The following TMEM232 variants were observed in gnomAD, a reference collection of about 807,000 sequenced individuals.
The protein encoded by TMEM232 is transmembrane protein 232.
Under a neutral mutation model 78.8 loss-of-function variants are expected in TMEM232, and 80 were observed. The ratio of observed to expected loss-of-function variants is 1.01; its 90% CI spans 0.85 to 1.22. The LOEUF is 1.22. Ranked by LOEUF, TMEM232 falls within the 50% of genes most tolerant of loss-of-function variation. The pLI is 0.00. For missense variants in TMEM232, 881 were observed against 742.2 expected, an observed-to-expected ratio of 1.19 and a Z score of -2.17; for synonymous variants, 297 against 254.3, an observed-to-expected ratio of 1.17 and a Z score of -1.60.
At position 110,625,298 on chromosome 5, in the gene TMEM232, T is replaced by G. The variant is rs772379529; in HGVS notation, c.737A>C (p.Lys246Thr). 1.2e-5 allele frequency: 19 copies of G among 1,542,932 alleles called. No homozygotes were observed. The highest frequency in any genetic ancestry group is 3.4e-4 in the Middle Eastern group (2 of 5,964). ...SESIFRPVEDKKRYENTDSDM... is the reference protein window; with the variant it reads ...SESIFRPVEDTKRYENTDSDM... ...AGAATCTGTGTTCTCATATCTTTTC[T>G]TATCTTCCACAGGTCTAAAAATGGA... The change falls in exon 7 of 14, where the codon AAG (lysine) becomes ACG (threonine). Residue 246 changes from lysine (K) to threonine (T), a missense_variant. Lys to Thr is a moderately conservative substitution (Grantham distance 78). Coordinates refer to ENST00000455884, the MANE Select transcript of TMEM232 (RefSeq NM_001039763.4).
chr5:110,541,742 A>G (rs1004782339), intron 11 of TMEM232, among the ~76,000 whole-genome samples: 28 of 152,146 alleles, frequency 1.8e-4, no homozygotes, highest in African/African-American at 6.8e-4. Context: ...GCAAAAATTA[A>G]TATAAGCCTA....
chr5:110,464,719 A>AAAAG (rs1458103955), intron 12 of TMEM232, among the ~76,000 whole-genome samples: 7 of 152,238 alleles, frequency 4.6e-5, no homozygotes, highest in Non-Finnish European at 1.0e-4. Context: ...CATTTTGAAC[A>AAAAG]AAAGAGATAA....
intron 1 of TMEM232, among the ~76,000 whole-genome samples, chr5:110,698,099 A>T (rs1580712076): frequency 6.6e-6 from 1 of 152,234 alleles, no homozygotes; most frequent in African/African-American, 2.4e-5. Flanking sequence ...ATGGAATACT[A>T]TCCAGCCATA....
upstream of TMEM232, chr5:110,738,876 C>A: frequency 4.3e-6 from 4 of 940,196 alleles, no homozygotes; most frequent in Non-Finnish European, 6.1e-6. Flanking sequence ...TATTCCCTAA[C>A]GACAACAAAC....
chr5:110,712,513 C>G (rs1308803327), intron 1 of TMEM232, among the ~76,000 whole-genome samples: 1 of 152,096 alleles, frequency 6.6e-6, no homozygotes, highest in Non-Finnish European at 1.5e-5. Context: ...CATCATTGAT[C>G]ATCAGAGAAA....
intron 7 of TMEM232, among the ~76,000 whole-genome samples, chr5:110,619,575 C>T (rs1474879884): frequency 6.6e-6 from 1 of 152,160 alleles, no homozygotes; most frequent in South Asian, 2.1e-4. Flanking sequence ...TCAGTGTTGA[C>T]AGTGTTAGAA....
Position 110,528,630 on chromosome 5 carries a change from T to C in TMEM232, c.1661A>G (p.Lys554Arg). 6.5e-7 allele frequency: 1 copy of C among 1,533,548 alleles called. No individual in the cohort carries two copies. Among genetic ancestry groups the C allele is most frequent in the South Asian group, 1.2e-5 (1 of 83,552 alleles). The allele number at this position is 1,533,548 out of a possible 1,614,324, so 95.0% of individuals were successfully genotyped here. The change falls in exon 12 of 14, where the codon AAG becomes AGG. Residue 554 changes from lysine (K) to arginine (R), a missense_variant. Physicochemically the swap from Lys to Arg is conservative, Grantham distance 26. Coordinates refer to ENST00000455884, the MANE Select transcript of TMEM232 (RefSeq NM_001039763.4). ...KKDQTKYPNK[K>R]LESVKKQVLH... Reference sequence around the variant, plus strand: ...AACTTGCTTTTTCACAGACTCCAGCTTTTTATTTGGATATTTTGTTTGATC... The same window carrying C: ...AACTTGCTTTTTCACAGACTCCAGCCTTTTATTTGGATATTTTGTTTGATC...
chr5:110,474,428 GAA>G (rs997574506), intron 12 of TMEM232, among the ~76,000 whole-genome samples: 2 of 151,180 alleles, frequency 1.3e-5, no homozygotes, highest in African/African-American at 4.9e-5. Context: ...ATATTCTTGG[GAA>G]AAAAAACCTA....
Position 110,667,371 on chromosome 5 carries a change from G to C in TMEM232, c.-12-7C>G, listed in dbSNP as rs1790728917. Reference sequence around the variant, plus strand: ...TATTCATAAATCATAAATTCTAAAAGGAATATTAAATGTATGTTAGCATAC... The same window carrying C: ...TATTCATAAATCATAAATTCTAAAACGAATATTAAATGTATGTTAGCATAC... On this transcript the variant is annotated splice_polypyrimidine_tract_variant and splice_region_variant and intron_variant, in intron 1 of 13. Transcript: ENST00000455884. The C allele has an allele frequency of 6.8e-7, 1 of 1,479,176 alleles. No individual in the cohort carries two copies. Among genetic ancestry groups the C allele is most frequent in the African/African-American group, 1.4e-5 (1 of 69,390 alleles). The allele number at this position is 1,479,176 out of a possible 1,614,324, so 91.6% of individuals were successfully genotyped here.
intron 1 of TMEM232, among the ~76,000 whole-genome samples, chr5:110,713,551 A>T (rs1460565077): frequency 6.6e-6 from 1 of 152,152 alleles, no homozygotes; most frequent in Non-Finnish European, 1.5e-5. Flanking sequence ...CATAAGAAAA[A>T]AAAATAAGAC....
intron 2 of TMEM232, among the ~76,000 whole-genome samples, chr5:110,402,600 C>T (rs1286623994): frequency 3.3e-5 from 5 of 152,052 alleles, no homozygotes; most frequent in African/African-American, 1.2e-4. Flanking sequence ...CTTGGGAGAA[C>T]CAGTCTCAGC....
At chr5:110,475,440 CTTTGATTTTT>C (rs1763140254) in intron 12 of TMEM232, among the ~76,000 whole-genome samples, 1 of 102,504 alleles carries the variant, frequency 9.8e-6, no homozygotes, top group Non-Finnish European at 1.9e-5. Context: ...TCTATTTATA[CTTTGATTTTT>C]TTTTTTTTTT....
At chr5:110,703,953 A>G (rs1384462386) in intron 1 of TMEM232, among the ~76,000 whole-genome samples, 2 of 152,076 alleles carry the variant, frequency 1.3e-5, no homozygotes, top group East Asian at 3.8e-4. Flanking sequence ...TTTGAAAAAC[A>G]TCAATTATCC....
At chr5:110,688,181 C>T (rs896933693) in intron 1 of TMEM232, among the ~76,000 whole-genome samples, 1 of 151,798 alleles carries the variant, frequency 6.6e-6, no homozygotes, top group Admixed American at 6.6e-5. Flanking sequence ...TGAGTTCTGG[C>T]AGAAGATAAA....
At chr5:110,546,469 C>T (rs1221477982) in intron 11 of TMEM232, among the ~76,000 whole-genome samples, 1 of 152,054 alleles carries the variant, frequency 6.6e-6, no homozygotes, top group East Asian at 1.9e-4. Context: ...TGAAATAATT[C>T]CTTCCCCTTA....
intron 1 of TMEM232, among the ~76,000 whole-genome samples, chr5:110,699,475 G>C (rs1304357902): frequency 6.6e-6 from 1 of 151,828 alleles, no homozygotes; most frequent in Non-Finnish European, 1.5e-5. Flanking sequence ...GGCCAAAATG[G>C]GACTCTTTTG....
At chr5:110,674,173 A>G (rs1252979215) in intron 1 of TMEM232, among the ~76,000 whole-genome samples, 1 of 152,178 alleles carries the variant, frequency 6.6e-6, no homozygotes, top group African/African-American at 2.4e-5. Flanking sequence ...TAGCAAAGTA[A>G]AAATTCATCA....
At chr5:110,591,802 A>C (rs1779575013) in intron 10 of TMEM232, among the ~76,000 whole-genome samples, 1 of 152,128 alleles carries the variant, frequency 6.6e-6, no homozygotes, top group African/African-American at 2.4e-5. Context: ...AGACTTACTA[A>C]TGTTAAAGGT....
chr5:110,699,031 T>A (rs1327231307), intron 1 of TMEM232, among the ~76,000 whole-genome samples: 2 of 151,436 alleles, frequency 1.3e-5, no homozygotes, highest in African/African-American at 4.9e-5. Flanking sequence ...TCCCATAGGG[T>A]TCCCCCAGAA....
Sources: gnomAD v4.1 joint callset for allele counts (sites outside exome capture counted in the v4.1 genomes callset) on GRCh38, gnomAD v4.1.1 for gene constraint, MANE v1.5 for transcripts, NCBI Gene and HGNC (gene_info 2026-07-23, HGNC 2026-07-21) for gene names.